The following INSL6 variants were observed in gnomAD, a reference collection of about 807,000 sequenced individuals.
The protein encoded by INSL6 is insulin-like peptide INSL6.
INSL6 carries 16 observed loss-of-function variants against 9.4 expected under a neutral mutation model. The ratio of observed to expected loss-of-function variants is 1.70; its 90% confidence interval spans 1.15 to 2.59. INSL6 has a LOEUF of 2.59. INSL6 is among the 30% of genes most tolerant of loss of function. The probability of loss-of-function intolerance (pLI) is 0.00; values close to 1 mark genes in which losing one functional copy is unlikely to be tolerated. For missense variants in INSL6, 391 were observed against 257.3 expected, an observed-to-expected ratio of 1.52 and a Z score of -3.56; for synonymous variants, 154 against 96.9, an observed-to-expected ratio of 1.59 and a Z score of -3.46.
chr9:5,151,462 T>G (rs7863703), intron 2 of INSL6, among the ~76,000 whole-genome samples: 4,022 of 152,006 alleles, frequency 0.026, 170 homozygotes, highest in African/African-American at 0.086. Flanking sequence ...TTATAATGCA[T>G]GCAGCAGTAA....
the INSL6 span, chr9:5,081,813 T>C: frequency 6.2e-7 from 1 of 1,613,174 alleles, no homozygotes; most frequent in African/African-American, 1.3e-5. Context: ...ACCGGGATCC[T>C]ACACAGTTTG....
chr9:5,126,354 A>C, intron 3 of INSL6: 1 of 1,607,976 alleles, frequency 6.2e-7, no homozygotes, highest in Non-Finnish European at 8.5e-7. Flanking sequence ...TATGATTGGC[A>C]ATGACAAACA....
At chr9:5,151,162 A>G (rs1299923649) in intron 2 of INSL6, among the ~76,000 whole-genome samples, 2 of 152,178 alleles carry the variant, frequency 1.3e-5, no homozygotes, top group African/African-American at 4.8e-5. Flanking sequence ...TGGTGATACC[A>G]AAGGCCCAGA....
the INSL6 span, among the ~76,000 whole-genome samples, chr9:5,013,696 T>A: frequency 6.6e-6 from 1 of 152,372 alleles, no homozygotes; most frequent in East Asian, 1.9e-4. Flanking sequence ...ATGTTTTAAT[T>A]GTTGTGTGAA....
chr9:5,120,599 G>C (rs750761584), downstream of INSL6, among the ~76,000 whole-genome samples: 3 of 152,174 alleles, frequency 2.0e-5, no homozygotes, highest in Non-Finnish European at 4.4e-5. Context: ...TGGACTCCTG[G>C]AGGATCCTTT....
the INSL6 span, among the ~76,000 whole-genome samples, chr9:5,087,936 C>T: frequency 6.6e-6 from 1 of 152,052 alleles, no homozygotes. Context: ...TGACAATATA[C>T]AATAATTAAA....
the INSL6 span, chr9:5,085,626 A>G: frequency 3.4e-4 from 240 of 710,308 alleles, 3 homozygotes; most frequent in East Asian, 5.0e-3. Flanking sequence ...CAGCAAGGAC[A>G]GCCTTCTTTT....
downstream of INSL6, among the ~76,000 whole-genome samples, chr9:5,123,754 G>A (rs1371650235): frequency 6.6e-6 from 1 of 151,752 alleles, no homozygotes; most frequent in Admixed American, 6.6e-5. Context: ...TTGTACAAAT[G>A]CACATTCTCA....
chr9:5,022,325 G>A, the INSL6 span: 2 of 648,208 alleles, frequency 3.1e-6, no homozygotes, highest in Non-Finnish European at 2.5e-6. Flanking sequence ...ATGCTTGTAT[G>A]GCTGGCGTGT....
At chr9:5,080,495 A>G in the INSL6 span, 3 of 1,558,562 alleles carry the variant, frequency 1.9e-6, no homozygotes, top group Non-Finnish European at 2.6e-6. Context: ...GTGTGGCATT[A>G]CACAATTTAT....
chr9:5,128,544 G>T (rs1007449025), intron 3 of INSL6, among the ~76,000 whole-genome samples: 3 of 151,922 alleles, frequency 2.0e-5, no homozygotes, highest in Admixed American at 2.0e-4. Context: ...TTAAAAGTAG[G>T]TTCTTATCAA....
chr9:5,185,164 T>C (rs1825539951), intron 1 of INSL6, 150 bp downstream of exon 1: 5 of 952,396 alleles, frequency 5.2e-6, no homozygotes, highest in South Asian at 1.5e-5. Flanking sequence ...GTTTTGTATA[T>C]TTTCAATACA....
chr9:5,089,691 G>A, the INSL6 span: 1 of 1,413,510 alleles, frequency 7.1e-7, no homozygotes, highest in East Asian at 2.7e-5. Context: ...TTGGGAGTGT[G>A]GAGATGTGCC....
At chr9:5,057,269 A>T in the INSL6 span, among the ~76,000 whole-genome samples, 17 of 152,046 alleles carry the variant, frequency 1.1e-4, no homozygotes, top group African/African-American at 4.1e-4. Context: ...TTATTTATGG[A>T]TATAGGAAAG....
chr9:5,070,916 T>C, the INSL6 span, among the ~76,000 whole-genome samples: 1 of 152,136 alleles, frequency 6.6e-6, no homozygotes, highest in African/African-American at 2.4e-5. Flanking sequence ...GAGTTAAAAG[T>C]GAGACTATCC....
chr9:5,020,004 A>G, the INSL6 span, among the ~76,000 whole-genome samples: 1 of 152,072 alleles, frequency 6.6e-6, no homozygotes, highest in Non-Finnish European at 1.5e-5. Context: ...CAGGCAGTCC[A>G]ATTTTTGGGT....
At chr9:5,114,711 T>G in the INSL6 span, 1 of 388,320 alleles carries the variant, frequency 2.6e-6, no homozygotes, top group Non-Finnish European at 5.0e-6. Context: ...CAGGGCTGAA[T>G]GGGAACAGAA....
At chr9:5,037,569 A>C in the INSL6 span, among the ~76,000 whole-genome samples, 645 of 152,346 alleles carry the variant, frequency 4.2e-3, 2 homozygotes, top group Non-Finnish European at 7.5e-3. Flanking sequence ...GACATGGATG[A>C]AGCTGGAAAC....
At chr9:5,160,156 A>G (rs1824895228), downstream of INSL6, among the ~76,000 whole-genome samples, 1 of 150,450 alleles carries the variant, frequency 6.6e-6, no homozygotes, top group Non-Finnish European at 1.5e-5. Context: ...AGCCTGGGCA[A>G]CAAGAGTAAA....
Sources: gnomAD v4.1 joint callset for allele counts (sites outside exome capture counted in the v4.1 genomes callset) on GRCh38, gnomAD v4.1.1 for gene constraint, MANE v1.5 for transcripts, NCBI Gene and HGNC (gene_info 2026-07-23, HGNC 2026-07-21) for gene names.